The following RGS6 variants were observed in gnomAD, a reference collection of about 807,000 sequenced individuals.
RGS6 encodes regulator of G protein signaling 6, also known as regulator of G-protein signaling 6.
RGS6 carries 30 observed loss-of-function variants against 78.5 expected under a neutral mutation model. That is an observed-to-expected ratio of 0.38 (90% confidence interval 0.29 to 0.52). RGS6 has a LOEUF of 0.52. RGS6 is among the 20% of genes least tolerant of loss of function. The pLI, the probability that RGS6 is intolerant of heterozygous loss-of-function variation, is 0.85. For synonymous variants in RGS6, 206 were observed against 206.0 expected (o/e 1.00, Z 0.00); for missense variants, 495 against 609.7 (o/e 0.81, Z 1.98).
chr14:72,300,192 T>C (rs1198294576), intron 2 of RGS6, among the ~76,000 whole-genome samples: 1 of 152,158 alleles, frequency 6.6e-6, no homozygotes, highest in Non-Finnish European at 1.5e-5. Context: ...ATCTTTTTTT[T>C]TTCTGATACT....
intron 17 of RGS6, among the ~76,000 whole-genome samples, chr14:72,557,356 C>T (rs367957786): frequency 6.6e-6 from 1 of 152,236 alleles, no homozygotes; most frequent in Non-Finnish European, 1.5e-5. Flanking sequence ...GAAGATGCCA[C>T]GGAATTCTTT....
intron 3 of RGS6, among the ~76,000 whole-genome samples, chr14:72,385,163 A>G (rs1162291511): frequency 6.6e-6 from 1 of 152,190 alleles, no homozygotes; most frequent in Non-Finnish European, 1.5e-5. Flanking sequence ...TTTTCCATGA[A>G]TGGAATTATT....
At chr14:72,331,096 T>G (rs1467272708) in intron 2 of RGS6, among the ~76,000 whole-genome samples, 1 of 152,148 alleles carries the variant, frequency 6.6e-6, no homozygotes, top group East Asian at 1.9e-4. Flanking sequence ...CCGCCAGGAT[T>G]CTGTTAGACA....
intron 1 of RGS6, among the ~76,000 whole-genome samples, chr14:71,964,527 A>G (rs918470982): frequency 2.0e-5 from 3 of 152,090 alleles, no homozygotes; most frequent in African/African-American, 7.2e-5. Flanking sequence ...AAAACAAAAC[A>G]CTGCTGTATA....
chr14:72,330,990 A>G (rs2074891862), intron 2 of RGS6, among the ~76,000 whole-genome samples: 2 of 152,222 alleles, frequency 1.3e-5, no homozygotes, highest in East Asian at 1.9e-4. Flanking sequence ...CTCATTGACA[A>G]CATAGACAGA....
At chr14:71,898,828 C>T in the RGS6 span, among the ~76,000 whole-genome samples, 3 of 152,082 alleles carry the variant, frequency 2.0e-5, no homozygotes, top group South Asian at 6.2e-4. Flanking sequence ...CCCATGTCCC[C>T]GCAAGGGACA....
At chr14:72,364,992 A>G (rs847326) in intron 3 of RGS6, among the ~76,000 whole-genome samples, 88,984 of 151,686 alleles carry the variant, frequency 0.59, 28,151 homozygotes, top group African/African-American at 0.84. Flanking sequence ...CCGTCTCTAC[A>G]CTGTCAAGTT....
At chr14:72,420,977 G>GA (rs1048055797) in intron 3 of RGS6, 8 of 152,226 alleles carry the variant, frequency 5.3e-5, no homozygotes, top group African/African-American at 1.7e-4. Context: ...AGGCGTGATT[G>GA]AAAATAAGGC....
At chr14:72,532,373 C>A (rs2097193235) in intron 15 of RGS6, among the ~76,000 whole-genome samples, 2 of 152,142 alleles carry the variant, frequency 1.3e-5, no homozygotes, top group Non-Finnish European at 2.9e-5. Flanking sequence ...ATCAGCCATT[C>A]CCCCATCTCT....
chr14:71,946,813 G>A (rs1413949719), intron 1 of RGS6, among the ~76,000 whole-genome samples: 2 of 152,186 alleles, frequency 1.3e-5, no homozygotes, highest in African/African-American at 2.4e-5. Context: ...CATACAGAGT[G>A]AGGTCCTTAA....
intron 3 of RGS6, among the ~76,000 whole-genome samples, chr14:72,370,112 A>C (rs2083190595): frequency 6.6e-6 from 1 of 151,810 alleles, no homozygotes; most frequent in Admixed American, 6.6e-5. Context: ...TAGCCTACTC[A>C]GACCAACTGT....
intron 2 of RGS6, among the ~76,000 whole-genome samples, chr14:72,014,028 T>C (rs2086429902): frequency 6.6e-6 from 1 of 152,214 alleles, no homozygotes; most frequent in African/African-American, 2.4e-5. Context: ...AAGTTTCCCA[T>C]TTTCTGAGAA....
chr14:71,914,319 C>G, the RGS6 span, among the ~76,000 whole-genome samples: 1 of 152,186 alleles, frequency 6.6e-6, no homozygotes, highest in Non-Finnish European at 1.5e-5. Context: ...AAATCAATCT[C>G]TGGCAGTGGA....
intron 2 of RGS6, among the ~76,000 whole-genome samples, chr14:72,086,990 TTC>T (rs1263178001): frequency 6.6e-6 from 1 of 152,204 alleles, no homozygotes; most frequent in Admixed American, 6.5e-5. Flanking sequence ...TCCATGTATT[TTC>T]GCTGGAGTGT....
chr14:72,218,464 A>G (rs747359991), intron 2 of RGS6, among the ~76,000 whole-genome samples: 1 of 151,990 alleles, frequency 6.6e-6, no homozygotes, highest in South Asian at 2.1e-4. Context: ...CAGTATATTA[A>G]TATTAAATTA....
At chr14:72,532,072 G>A (rs2097188943) in intron 15 of RGS6, among the ~76,000 whole-genome samples, 1 of 152,162 alleles carries the variant, frequency 6.6e-6, no homozygotes, top group Admixed American at 6.5e-5. Flanking sequence ...CCTGTATTAT[G>A]CCTTATAGAT....
At chr14:72,621,140 C>CA in the RGS6 span, among the ~76,000 whole-genome samples, 2,744 of 121,964 alleles carry the variant, frequency 0.022, 88 homozygotes, top group Admixed American at 0.11. Flanking sequence ...GACTCTGTCT[C>CA]AAAAAAAAAA....
chr14:72,476,895 C>G, intron 11 of RGS6, 55 bp downstream of exon 11: 1 of 1,468,192 alleles, frequency 6.8e-7, no homozygotes, highest in South Asian at 1.2e-5. Context: ...GTTTAAAAAC[C>G]CTTTCAAATG....
intron 17 of RGS6, chr14:72,540,849 G>T (rs2097316027): frequency 1.0e-6 from 1 of 985,388 alleles, no homozygotes; most frequent in African/African-American, 1.7e-5. Flanking sequence ...GTACGCCCCA[G>T]CTAGAGAGGT....
Sources: gnomAD v4.1 joint callset for allele counts (sites outside exome capture counted in the v4.1 genomes callset) on GRCh38, gnomAD v4.1.1 for gene constraint, MANE v1.5 for transcripts, NCBI Gene and HGNC (gene_info 2026-07-23, HGNC 2026-07-21) for gene names.